PDIK1L: variants seen among roughly 807,000 people sequenced by gnomAD.
The protein encoded by PDIK1L is serine/threonine-protein kinase PDIK1L.
A neutral mutation model predicts 27.1 loss-of-function variants in PDIK1L; 9 were observed. The ratio of observed to expected loss-of-function variants is 0.33; its 90% confidence interval spans 0.20 to 0.58. The LOEUF (loss-of-function observed/expected upper bound fraction) is 0.58, where lower values mean the gene tolerates loss of function less well. Ranked by LOEUF, PDIK1L falls within the 20% of genes least tolerant of loss-of-function variation. The probability of loss-of-function intolerance (pLI) is 0.86; values close to 1 mark genes in which losing one functional copy is unlikely to be tolerated. For missense variants in PDIK1L, 216 were observed against 413.2 expected, an observed-to-expected ratio of 0.52 and a Z score of 4.14; for synonymous variants, 130 against 141.7, an observed-to-expected ratio of 0.92 and a Z score of 0.59.
chr1:26,117,494 G>C (rs2087899890), intron 2 of PDIK1L, among the ~76,000 whole-genome samples: 1 of 152,210 alleles, frequency 6.6e-6, no homozygotes. Flanking sequence ...GGCCAGGCAT[G>C]ATGGTTCACA....
In PDIK1L at chr1:26,122,299, A is replaced by G. The variant is rs565847252; in HGVS notation, c.748A>G (p.Met250Val). 13 of 1,614,180 alleles carry G rather than the reference A, an allele frequency of 8.1e-6. No homozygotes were observed. Among genetic ancestry groups the G allele is most frequent in the African/African-American group, 4.0e-5 (3 of 75,060 alleles). The change falls in exon 3 of 3, where the codon ATG becomes GTG. Residue 250 changes from methionine (M) to valine (V), a missense_variant. Physicochemically the swap from Met to Val is conservative, Grantham distance 21. This residue lies in a region of PDIK1L where 169 missense variants were observed against 366.0 expected (regional missense o/e 0.46). Coordinates refer to ENST00000374269, the MANE Select transcript of PDIK1L (RefSeq NM_152835.5). The surrounding 1 kb of genome is among the most constrained non-coding windows in gnomAD (Gnocchi z 5.4). ...TGCTCTGGGGATTATCATCTGGGCA[A>G]TGCTGGAAAGGATCACATTCATAGA... ...IFALGIIIWA[M>V]LERITFIDTE...
Position 26,122,518 on chromosome 1 carries a change from T to G in PDIK1L, c.967T>G (p.Phe323Val). 1 of 1,613,848 alleles carries G rather than the reference T, an allele frequency of 6.2e-7. No homozygotes were observed. The highest frequency in any genetic ancestry group is 8.5e-7 in the Non-Finnish European group (1 of 1,179,942). The part of the protein sequence containing the change: ...AANPQDRPDA[F>V]ELELRLVQIA... The stretch of plus-strand genomic sequence containing the variant: ...AAACCCTCAGGATCGTCCAGATGCT[T>G]TTGAACTAGAACTCAGATTAGTACA... The change falls in exon 3 of 3, where the codon TTT becomes GTT. Residue 323 changes from phenylalanine to valine, a missense_variant. Physicochemically the swap from Phe to Val is conservative, Grantham distance 50. Around this residue, in one of 2 missense-constraint regions of PDIK1L, gnomAD observed 169 missense variants for 366.0 expected, o/e 0.46. Transcript: ENST00000374269. The surrounding 1 kb of genome is among the most constrained non-coding windows in gnomAD (Gnocchi z 5.4).
chr1:26,121,827 C>T lies in PDIK1L; in HGVS notation c.286-10C>T, dbSNP rs1443057837. ...CAAATGATTGTAATCTTTTTTCTTC[C>T]TTCTTGTAGCTTGTAGAAACTTCAT... On this transcript the variant is annotated splice_polypyrimidine_tract_variant and intron_variant, in intron 2 of 2. Transcript: ENST00000374269. 17 of 1,583,022 alleles carry T rather than the reference C, an allele frequency of 1.1e-5. No homozygotes were observed. In the Admixed American group the frequency reaches 1.9e-4, roughly 18 times the overall value.
intron 2 of PDIK1L, among the ~76,000 whole-genome samples, chr1:26,120,825 G>A (rs1000851931): frequency 6.6e-6 from 1 of 152,066 alleles, no homozygotes; most frequent in Non-Finnish European, 1.5e-5. Context: ...GGTGGCACGC[G>A]CCTGTAGTCT....
At chr1:26,121,460 C>A (rs1156588945) in intron 2 of PDIK1L, among the ~76,000 whole-genome samples, 2 of 152,184 alleles carry the variant, frequency 1.3e-5, no homozygotes. Flanking sequence ...GAGGTTTATA[C>A]CCCAGCTGGC....
In PDIK1L at chr1:26,114,341, A is replaced by G; in HGVS notation, c.33A>G (p.Ile11Met). The G allele has an allele frequency of 1.2e-6, 2 of 1,614,004 alleles. No individual in the cohort carries two copies. ...GTAGCCAGCCAAAGTACGATCTAAT[A>G]CGGGAGGTAGGCCGAGGTAGTTACG... MVSSQPKYDL[I>M]REVGRGSYGV... Residue 11 changes from isoleucine to methionine, a missense_variant, in exon 2 of 3, where the codon ATA becomes ATG. Ile to Met is a conservative substitution (Grantham distance 10, BLOSUM62 1). Coordinates refer to ENST00000374269, the MANE Select transcript of PDIK1L (RefSeq NM_152835.5). The surrounding 1 kb of genome is among the most constrained non-coding windows in gnomAD (Gnocchi z 4.8).
chr1:26,119,134 G>A (rs1047079310), intron 2 of PDIK1L, among the ~76,000 whole-genome samples: 14 of 152,236 alleles, frequency 9.2e-5, no homozygotes, highest in African/African-American at 2.7e-4. Context: ...TTGGCTGGAC[G>A]CAGTGGCTTA....
chr1:26,115,809 A>C (rs1333025509), intron 2 of PDIK1L, among the ~76,000 whole-genome samples: 1 of 151,934 alleles, frequency 6.6e-6, no homozygotes, highest in Non-Finnish European at 1.5e-5. Flanking sequence ...CAAAAAAAAA[A>C]AAACAAAAAG....
At chr1:26,116,841 G>A (rs1008116898) in intron 2 of PDIK1L, among the ~76,000 whole-genome samples, 17 of 151,240 alleles carry the variant, frequency 1.1e-4, no homozygotes, top group South Asian at 2.1e-4. Flanking sequence ...TCAGCCTCCC[G>A]AGTAGCTGGG....
intron 1 of PDIK1L, among the ~76,000 whole-genome samples, 167 bp downstream of exon 1, chr1:26,112,082 C>T (rs570725449): frequency 3.7e-4 from 56 of 152,214 alleles, no homozygotes; most frequent in Non-Finnish European, 5.9e-4. Context: ...CCTCTCATAC[C>T]GGGGCCACCT....
At chr1:26,112,728 C>G (rs756253086) in intron 1 of PDIK1L, 4 of 152,256 alleles carry the variant, frequency 2.6e-5, no homozygotes, top group Non-Finnish European at 4.4e-5. Flanking sequence ...ATCCTGTAGA[C>G]TTAAAGCAGT....
At position 26,121,841 on chromosome 1, in the gene PDIK1L, T is replaced by C; in HGVS notation, c.290T>C (p.Val97Ala). The change falls in exon 3 of 3, where the codon GTA becomes GCA. Residue 97 changes from valine to alanine, a missense_variant. Physicochemically the swap from Val to Ala is moderately conservative, Grantham distance 64. Around this residue, in one of 2 missense-constraint regions of PDIK1L, gnomAD observed 169 missense variants for 366.0 expected, o/e 0.46. Transcript: ENST00000374269. ...CTTTTTTCTTCCTTCTTGTAGCTTG[T>C]AGAAACTTCATTAAAAGGAGAAATT... ...GSNSSLYLQL[V>A]ETSLKGEIAF... 6.2e-7 allele frequency: 1 copy of C among 1,607,516 alleles called. No homozygotes were observed. Among genetic ancestry groups the C allele is most frequent in the Non-Finnish European group, 8.5e-7 (1 of 1,177,262 alleles).
chr1:26,117,441 A>G (rs1330419810), intron 2 of PDIK1L, among the ~76,000 whole-genome samples: 1 of 152,184 alleles, frequency 6.6e-6, no homozygotes, highest in East Asian at 1.9e-4. Context: ...GATAGAAAAT[A>G]TTGGAAACAT....
intron 1 of PDIK1L, among the ~76,000 whole-genome samples, chr1:26,113,365 G>A (rs1199778719): frequency 6.6e-6 from 1 of 151,818 alleles, no homozygotes; most frequent in African/African-American, 2.4e-5. Context: ...GGTGGCAGGC[G>A]CCTATAGTCC....
chr1:26,117,849 G>T (rs2087905954), intron 2 of PDIK1L, among the ~76,000 whole-genome samples: 1 of 152,138 alleles, frequency 6.6e-6, no homozygotes, highest in Non-Finnish European at 1.5e-5. Context: ...CTTGAGGCCA[G>T]GAGTTCCAAG....
At position 26,122,286 on chromosome 1, in the gene PDIK1L, T is replaced by C; in HGVS notation, c.735T>C (p.Ile245=). The C allele has an allele frequency of 6.2e-7, 1 of 1,614,206 alleles. No homozygotes were observed. Among genetic ancestry groups the C allele is most frequent in the Non-Finnish European group, 8.5e-7 (1 of 1,180,022 alleles). ...AAGCTGACATCTTTGCTCTGGGGAT[T>C]ATCATCTGGGCAATGCTGGAAAGGA... ...TAKADIFALG[I]IIWAMLERIT... Residue 245 remains isoleucine, a synonymous_variant, in exon 3 of 3, where the codon ATT becomes ATC. Coordinates refer to ENST00000374269, the MANE Select transcript of PDIK1L (RefSeq NM_152835.5). This position sits in a 1 kb window ranked among gnomAD's most constrained non-coding sequence, Gnocchi z 5.4.
chr1:26,114,343 G>A lies in PDIK1L; in HGVS notation c.35G>A (p.Arg12Gln), dbSNP rs1158166486. The change falls in exon 2 of 3, where the codon CGG (arginine) becomes CAG (glutamine). Residue 12 changes from arginine to glutamine, a missense_variant. Arg to Gln is a conservative substitution (Grantham distance 43, BLOSUM62 1). Coordinates refer to ENST00000374269, the MANE Select transcript of PDIK1L (RefSeq NM_152835.5). The surrounding 1 kb of genome is among the most constrained non-coding windows in gnomAD (Gnocchi z 4.8). ...VSSQPKYDLI[R>Q]EVGRGSYGVV... is the part of the protein sequence containing the mutation. ...AGCCAGCCAAAGTACGATCTAATAC[G>A]GGAGGTAGGCCGAGGTAGTTACGGT... 2 of 1,613,842 alleles carry A rather than the reference G, an allele frequency of 1.2e-6. No individual in the cohort carries two copies. The highest frequency in any genetic ancestry group is 1.7e-6 in the Non-Finnish European group (2 of 1,179,928).
intron 2 of PDIK1L, among the ~76,000 whole-genome samples, chr1:26,121,579 C>T (rs933055954): frequency 5.3e-5 from 8 of 152,142 alleles, no homozygotes; most frequent in Non-Finnish European, 8.8e-5. Flanking sequence ...GCCACTTGGA[C>T]GCTTTTCAAA....
intron 1 of PDIK1L, chr1:26,112,444 TCTC>T (rs138589520): frequency 0.016 from 2,491 of 152,374 alleles, 31 homozygotes; most frequent in Non-Finnish European, 0.025. Context: ...TAAACACCTC[TCTC>T]CTCCCTATTC....
Sources: allele counts gnomAD v4.1 joint callset (sites outside exome capture counted in the v4.1 genomes callset), GRCh38; gene constraint gnomAD v4.1.1; regional missense constraint gnomAD v4.1.1; non-coding constraint Gnocchi (gnomAD v3.1); transcripts MANE v1.5; gene names NCBI Gene and HGNC (gene_info 2026-07-23, HGNC 2026-07-21).